The following FOXK2 variants were observed in gnomAD, a reference collection of about 807,000 sequenced individuals.
The protein encoded by FOXK2 is forkhead box K2.
FOXK2 carries 24 observed loss-of-function variants against 53.3 expected under a neutral mutation model. That is an observed-to-expected ratio of 0.45 (90% CI 0.33 to 0.63). The LOEUF is 0.63. Among genes scored for constraint, FOXK2 ranks in the 30% least tolerant of loss-of-function variants. The probability of loss-of-function intolerance (pLI) is 0.03; values close to 1 mark genes in which losing one functional copy is unlikely to be tolerated. For missense variants in FOXK2, 952 were observed against 910.5 expected, an observed-to-expected ratio of 1.05 and a Z score of -0.59; for synonymous variants, 505 against 407.1, an observed-to-expected ratio of 1.24 and a Z score of -2.89.
At chr17:82,528,137 A>G (rs760521510) in intron 1 of FOXK2, among the ~76,000 whole-genome samples, 5 of 152,090 alleles carry the variant, frequency 3.3e-5, no homozygotes, top group Non-Finnish European at 7.4e-5. Context: ...TTAATAGTGA[A>G]GTGATTGTAG....
chr17:82,534,399 T>A (rs1180098283), intron 1 of FOXK2, among the ~76,000 whole-genome samples: 1 of 152,206 alleles, frequency 6.6e-6, no homozygotes, highest in Non-Finnish European at 1.5e-5. Flanking sequence ...GTTGCGGCTC[T>A]AATATAGGAA....
chr17:82,548,630 C>T (rs1008929171), intron 1 of FOXK2, among the ~76,000 whole-genome samples: 1 of 152,104 alleles, frequency 6.6e-6, no homozygotes, highest in Non-Finnish European at 1.5e-5. Context: ...TTGATTTCTA[C>T]TTAATTTTTC....
intron 8 of FOXK2, among the ~76,000 whole-genome samples, chr17:82,597,946 G>A (rs997803316): frequency 1.3e-5 from 2 of 152,098 alleles, no homozygotes; most frequent in Admixed American, 6.5e-5. Context: ...CACCGCGCCC[G>A]GCCTCCCAGT....
At chr17:82,595,996 A>T (rs1567989832) in intron 8 of FOXK2, 2 of 1,159,692 alleles carry the variant, frequency 1.7e-6, no homozygotes, top group Non-Finnish European at 2.2e-6. Context: ...CGTAGGAGAA[A>T]GGCCACTGGA....
intron 1 of FOXK2, among the ~76,000 whole-genome samples, chr17:82,552,818 CCT>C (rs2044689233): frequency 6.6e-6 from 1 of 152,154 alleles, no homozygotes; most frequent in Admixed American, 6.5e-5. Flanking sequence ...TGCAGAGTGA[CCT>C]CTGCAGCCAC....
intron 4 of FOXK2, among the ~76,000 whole-genome samples, chr17:82,579,771 G>T (rs2045035167): frequency 1.7e-5 from 1 of 58,310 alleles, no homozygotes; most frequent in Non-Finnish European, 3.3e-5. Flanking sequence ...CATCCACAGG[G>T]CCCAGATCCC....
chr17:82,526,263 A>G (rs11658240), intron 1 of FOXK2, among the ~76,000 whole-genome samples: 20,096 of 152,098 alleles, frequency 0.13, 1,509 homozygotes, highest in South Asian at 0.2. Flanking sequence ...GAATCCCAGT[A>G]CCAGAAAGAA....
rs773242999 is a variant in FOXK2, at chr17:82,586,202, TAGGCGGA to T, written c.1576+3_1576+9del. Reference sequence around the variant, plus strand: ...ATGGAGACCACAGGGAAGTCAAAGGTAGGCGGAGGGGAAAGGAGGAGAGGGGAGACCA... The same window carrying T: ...ATGGAGACCACAGGGAAGTCAAAGGTGGGGAAAGGAGGAGAGGGGAGACCA... On this transcript the variant is annotated splice_donor_5th_base_variant and intron_variant, in intron 7 of 8. Transcript: ENST00000335255. 465 of 1,548,584 alleles carry T rather than the reference TAGGCGGA, an allele frequency of 3.0e-4. 25 individuals carry two copies. In the African/African-American group the frequency reaches 4.6e-3, roughly 15 times the overall value.
chr17:82,564,613 A>AT (rs1465629118), intron 2 of FOXK2, among the ~76,000 whole-genome samples: 4 of 151,524 alleles, frequency 2.6e-5, no homozygotes, highest in African/African-American at 4.9e-5. Flanking sequence ...TTAATTTTGA[A>AT]TTTTTTTTAG....
At chr17:82,575,778 T>C (rs1164841286) in intron 4 of FOXK2, among the ~76,000 whole-genome samples, 1 of 152,096 alleles carries the variant, frequency 6.6e-6, no homozygotes, top group African/African-American at 2.4e-5. Flanking sequence ...TAGATAGACA[T>C]CAGGAACCCC....
chr17:82,567,232 A>T (rs2044861765), intron 2 of FOXK2, among the ~76,000 whole-genome samples: 1 of 152,110 alleles, frequency 6.6e-6, no homozygotes, highest in Admixed American at 6.5e-5. Context: ...TTCCCCAAAC[A>T]CACCTCTCTG....
At chr17:82,569,672 A>G (rs1274126326) in intron 3 of FOXK2, among the ~76,000 whole-genome samples, 13 of 152,238 alleles carry the variant, frequency 8.5e-5, no homozygotes, top group African/African-American at 4.8e-5. Flanking sequence ...AGGGAAGTCA[A>G]CAGCACAGGC....
intron 1 of FOXK2, among the ~76,000 whole-genome samples, chr17:82,522,757 A>G (rs770976279): frequency 4.6e-5 from 7 of 152,108 alleles, no homozygotes; most frequent in Non-Finnish European, 1.0e-4. Flanking sequence ...CTAACATGAT[A>G]AACATGGAGA....
At position 82,557,344 on chromosome 17, in the gene FOXK2, T is replaced by TTA. The variant is rs545848731; in HGVS notation, c.420-5998_420-5997dup. Among the ~76,000 whole-genome samples, 27 of 151,474 alleles carry TTA rather than the reference T, an allele frequency of 1.8e-4. 1 individual carries two copies. Among genetic ancestry groups the TTA allele is most frequent in the African/African-American group, 5.3e-4 (22 of 41,286 alleles). On this transcript the variant is annotated intron_variant, in intron 1 of 8. Transcript: ENST00000335255. ...ACCGTGCCTGGCCTATTTTTATTTT[T>TTA]TATATATATATATTTTTGAGACAGA...
At chr17:82,549,127 T>G (rs1429503208) in intron 1 of FOXK2, among the ~76,000 whole-genome samples, 1 of 152,226 alleles carries the variant, frequency 6.6e-6, no homozygotes, top group Non-Finnish European at 1.5e-5. Flanking sequence ...TGTCTTTGTT[T>G]TACGAGGCCA....
rs1469392109 is a variant in FOXK2 at position 82,601,578 on chromosome 17, G to C, written c.*79G>C. On this transcript the variant is annotated 3_prime_UTR_variant, in exon 9 of 9. Coordinates refer to ENST00000335255, the MANE Select transcript of FOXK2 (RefSeq NM_004514.4). ...CGCGGCCTCCCGCCAGCACTCGGGG[G>C]TGCAGGGCCCTGTGGTTGGACTTCA... 1 of 1,413,804 alleles carries C rather than the reference G, an allele frequency of 7.1e-7. No individual in the cohort carries two copies. Among genetic ancestry groups the C allele is most frequent in the East Asian group, 2.4e-5 (1 of 40,898 alleles). The allele number at this position is 1,413,804 out of a possible 1,614,324, so 87.6% of individuals were successfully genotyped here.
At chr17:82,529,268 G>A (rs1373010998) in intron 1 of FOXK2, among the ~76,000 whole-genome samples, 1 of 141,816 alleles carries the variant, frequency 7.1e-6, no homozygotes, top group Non-Finnish European at 1.5e-5. Flanking sequence ...TGTTTCCCAG[G>A]CTGAAGTGCA....
chr17:82,577,304 A>C (rs958980846), intron 4 of FOXK2: 8 of 1,074,310 alleles, frequency 7.4e-6, no homozygotes, highest in Non-Finnish European at 1.1e-5. Flanking sequence ...ATCCATGATA[A>C]CGTTCTCTAA....
intron 4 of FOXK2, among the ~76,000 whole-genome samples, chr17:82,574,803 G>A (rs1180781444): frequency 6.6e-6 from 1 of 152,154 alleles, no homozygotes; most frequent in Non-Finnish European, 1.5e-5. Context: ...TCTACCTATG[G>A]TATAGCTTTT....
Sources: gnomAD v4.1 joint callset for allele counts (sites outside exome capture counted in the v4.1 genomes callset) on GRCh38, gnomAD v4.1.1 for gene constraint, MANE v1.5 for transcripts, NCBI Gene and HGNC (gene_info 2026-07-23, HGNC 2026-07-21) for gene names.